Variants in ZNF461 observed in about 807,000 individuals in gnomAD.
ZNF461 encodes zinc finger protein 461.
ZNF461 carries 16 observed loss-of-function variants against 18.3 expected under a neutral mutation model. The ratio of observed to expected loss-of-function variants is 0.88; its 90% confidence interval spans 0.59 to 1.33. The LOEUF is 1.33. Ranked by LOEUF, ZNF461 falls within the 40% of genes most tolerant of loss-of-function variation. The probability of loss-of-function intolerance (pLI) is 0.00; values close to 1 mark genes in which losing one functional copy is unlikely to be tolerated. For missense variants in ZNF461, 595 were observed against 669.9 expected (o/e 0.89, Z 1.23); for synonymous variants, 179 against 216.9 (o/e 0.83, Z 1.54).
intron 4 of ZNF461, among the ~76,000 whole-genome samples, chr19:36,650,880 C>T (rs200048278): frequency 6.8e-6 from 1 of 147,630 alleles, no homozygotes; most frequent in Non-Finnish European, 1.5e-5. Context: ...AAAAAAAAAC[C>T]TCCCAGAGCA....
At chr19:36,662,477 C>T (rs2037835629) in intron 2 of ZNF461, among the ~76,000 whole-genome samples, 1 of 150,192 alleles carries the variant, frequency 6.7e-6, no homozygotes, top group Non-Finnish European at 1.5e-5. Flanking sequence ...GGATGGTCTC[C>T]ATCTCCTGAC....
At chr19:36,654,036 A>G (rs1354714914) in intron 4 of ZNF461, among the ~76,000 whole-genome samples, 2 of 152,118 alleles carry the variant, frequency 1.3e-5, no homozygotes, top group Non-Finnish European at 2.9e-5. Flanking sequence ...ATGGTATTGT[A>G]CTATAGTTGG....
At position 36,639,843 on chromosome 19, in the gene ZNF461, T is replaced by G; in HGVS notation, c.502A>C (p.Asn168His). ...EEGYFRQLMI[N>H]HENMPIFSQH... ...CTAAAAATGGGCATGTTTTCATGGT[T>G]AATCATAAGTTGTCTAAAATAACCC... is the stretch of plus-strand genomic sequence containing the variant. Residue 168 changes from asparagine to histidine, a missense_variant, in exon 6 of 6, where the codon AAC becomes CAC. Physicochemically the swap from Asn to His is moderately conservative, Grantham distance 68. Coordinates refer to ENST00000588268, the MANE Select transcript of ZNF461 (RefSeq NM_153257.5). 6.2e-7 allele frequency: 1 copy of G among 1,613,964 alleles called. No homozygotes were observed. The highest frequency in any genetic ancestry group is 8.5e-7 in the Non-Finnish European group (1 of 1,179,860).
chr19:36,658,624 C>T (rs1176449971), intron 2 of ZNF461, 199 bp from the exon 3 acceptor site: 1 of 438,382 alleles, frequency 2.3e-6, no homozygotes, highest in Admixed American at 4.3e-5. Flanking sequence ...TCATTTTCTG[C>T]AGACACATCT....
Position 36,637,735 on chromosome 19 carries a change from A to T in ZNF461, c.*918T>A. 2.7e-6 allele frequency: 1 copy of T among 371,474 alleles called. No homozygotes were observed. The allele number at this position is 371,474 out of a possible 1,614,324, so 23.0% of individuals were successfully genotyped here. A position where few individuals can be genotyped will look rare whatever the true frequency, so the allele number is the denominator to read the frequency against. On this transcript the variant is annotated 3_prime_UTR_variant, in exon 6 of 6. Transcript: ENST00000588268. ...ATGTGGACTAATAATGAGAATGTGT[A>T]ATAAATCACATATTATGAATAACCT...
chr19:36,645,651 T>C (rs551742667), intron 4 of ZNF461, among the ~76,000 whole-genome samples: 4 of 152,298 alleles, frequency 2.6e-5, no homozygotes, highest in South Asian at 4.1e-4. Context: ...GTTTTCTTTT[T>C]TTTGTGGTAA....
chr19:36,653,860 G>C (rs776959486), intron 4 of ZNF461, among the ~76,000 whole-genome samples: 1 of 152,200 alleles, frequency 6.6e-6, no homozygotes, highest in African/African-American at 2.4e-5. Context: ...TAACACAAGG[G>C]AGTCTTGTGA....
chr19:36,638,450 T>C lies in ZNF461; in HGVS notation c.*203A>G. The C allele has an allele frequency of 5.0e-6, 2 of 396,840 alleles. No homozygotes were observed. Among genetic ancestry groups the C allele is most frequent in the Non-Finnish European group, 8.8e-6 (2 of 226,120 alleles). The allele number at this position is 396,840 out of a possible 1,614,324, so 24.6% of individuals were successfully genotyped here. ...AGAAAATTTATTCTCAATAAAAAAA[T>C]TTATTCTCAATAATGGTTAATACAA... On this transcript the variant is annotated 3_prime_UTR_variant, in exon 6 of 6. Transcript: ENST00000588268.
intron 4 of ZNF461, among the ~76,000 whole-genome samples, chr19:36,651,494 C>T (rs2037627172): frequency 6.6e-6 from 1 of 151,800 alleles, no homozygotes; most frequent in African/African-American, 2.4e-5. Flanking sequence ...AAAACTAGTA[C>T]TAATATGCAA....
chr19:36,639,542 T>C lies in ZNF461; in HGVS notation c.803A>G (p.Asn268Ser). The C allele has an allele frequency of 6.2e-7, 1 of 1,613,458 alleles. No homozygotes were observed. The highest frequency in any genetic ancestry group is 8.5e-7 in the Non-Finnish European group (1 of 1,179,524). The change falls in exon 6 of 6, where the codon AAT becomes AGT. Residue 268 changes from asparagine (N) to serine (S), a missense_variant. By Grantham distance (46) the Asn-to-Ser change is conservative. Coordinates refer to ENST00000588268, the MANE Select transcript of ZNF461 (RefSeq NM_153257.5). Reference sequence around the variant, plus strand: ...GTTACATTCATAGCGTTTTTCACCATTATGAATTCTTAGATGTTTAAGTTG... The same window carrying C: ...GTTACATTCATAGCGTTTTTCACCACTATGAATTCTTAGATGTTTAAGTTG... The part of the protein sequence containing the change: ...CSQLKHLRIH[N>S]GEKRYECNEC...
intron 4 of ZNF461, among the ~76,000 whole-genome samples, chr19:36,656,137 AC>A (rs2037713722): frequency 6.6e-6 from 1 of 151,294 alleles, no homozygotes; most frequent in African/African-American, 2.4e-5. Context: ...AGCTGGGACT[AC>A]AGGCGCCCAC....
chr19:36,651,632 T>C (rs2037629178), intron 4 of ZNF461, among the ~76,000 whole-genome samples: 1 of 152,190 alleles, frequency 6.6e-6, no homozygotes, highest in Admixed American at 6.5e-5. Context: ...ACAAAACTTG[T>C]ACAGATTCTG....
At chr19:36,663,609 T>A (rs932771059) in intron 2 of ZNF461, among the ~76,000 whole-genome samples, 6 of 147,900 alleles carry the variant, frequency 4.1e-5, no homozygotes, top group African/African-American at 1.5e-4. Flanking sequence ...AGCCGCAAAC[T>A]CCTGGGATAA....
rs1474615382 is a variant in ZNF461, at chr19:36,666,778, C to T, written c.-169G>A. ...GCCCAGCTCTTCCTTCTCCACCGGC[C>T]CGGGACATCCTTACCTGCCTCTACC... On this transcript the variant is annotated 5_prime_UTR_variant, in exon 1 of 6. Transcript: ENST00000588268. The T allele has an allele frequency of 6.5e-6, 1 of 152,672 alleles. No individual in the cohort carries two copies. The highest frequency in any genetic ancestry group is 1.5e-5 in the Non-Finnish European group (1 of 68,462). 9.5% of individuals were successfully genotyped at this position (152,672 alleles called of 1,614,324 possible).
chr19:36,651,217 C>T (rs985208273), intron 4 of ZNF461, among the ~76,000 whole-genome samples: 4 of 125,452 alleles, frequency 3.2e-5, no homozygotes, highest in South Asian at 2.5e-4. Flanking sequence ...GGGCACAAAG[C>T]GAGACTCCGT....
intron 5 of ZNF461, among the ~76,000 whole-genome samples, chr19:36,641,795 A>G (rs1411298805): frequency 1.3e-5 from 2 of 152,186 alleles, no homozygotes; most frequent in Admixed American, 6.5e-5. Flanking sequence ...TCACTCCTAC[A>G]TCGACTGCAC....
intron 4 of ZNF461, among the ~76,000 whole-genome samples, chr19:36,649,883 A>T (rs1178500616): frequency 6.6e-6 from 1 of 152,152 alleles, no homozygotes; most frequent in East Asian, 1.9e-4. Context: ...AAAAGTATTT[A>T]AAAAATAATC....
intron 4 of ZNF461, among the ~76,000 whole-genome samples, chr19:36,649,466 G>A (rs2037588029): frequency 6.6e-6 from 1 of 152,060 alleles, no homozygotes; most frequent in Non-Finnish European, 1.5e-5. Context: ...GAGTAGCTGG[G>A]ATTATAGGCT....
At chr19:36,666,447 T>C (rs982218013) in intron 1 of ZNF461, among the ~76,000 whole-genome samples, 1 of 151,894 alleles carries the variant, frequency 6.6e-6, no homozygotes, top group Non-Finnish European at 1.5e-5. Flanking sequence ...CAAATAGCCA[T>C]TCACAATCAT....
Sources: allele counts gnomAD v4.1 joint callset (sites outside exome capture counted in the v4.1 genomes callset), GRCh38; gene constraint gnomAD v4.1.1; transcripts MANE v1.5; gene names NCBI Gene and HGNC (gene_info 2026-07-23, HGNC 2026-07-21).